The following LPIN1 variants were observed in gnomAD, a reference collection of about 807,000 sequenced individuals.
The protein encoded by LPIN1 is phosphatidate phosphatase LPIN1.
In LPIN1, 71 loss-of-function variants were observed where a neutral mutation model predicts 107.5. That is an observed-to-expected ratio of 0.66 (90% CI 0.55 to 0.80). LPIN1 has a LOEUF of 0.80. LPIN1 is among the 30% of genes least tolerant of loss of function. The pLI, the probability that LPIN1 is intolerant of heterozygous loss-of-function variation, is 0.00. For missense variants in LPIN1, 1,043 were observed against 1,160.6 expected, an observed-to-expected ratio of 0.90 and a Z score of 1.47; for synonymous variants, 445 against 452.6, an observed-to-expected ratio of 0.98 and a Z score of 0.21.
upstream of LPIN1, chr2:11,746,550 CGCT>C: frequency 1.6e-6 from 1 of 614,012 alleles, no homozygotes; most frequent in Non-Finnish European, 2.0e-6. Context: ...CGCACCGCCC[CGCT>C]TGCCCCGCCC....
rs528499945 is a variant in LPIN1, at chr2:11,800,350, T to TG, written c.1887-2554dup. ...AAACAACACAGAAGTGGAGGTGCTGTGGGACACTATCCTCCTTCATGTCTC... is the reference window on the plus strand; with the variant it reads ...AAACAACACAGAAGTGGAGGTGCTGTGGGGACACTATCCTCCTTCATGTCTC... On this transcript the variant is annotated intron_variant, in intron 14 of 20. Coordinates refer to ENST00000674199, the MANE Select transcript of LPIN1 (RefSeq NM_001349206.2). Among the ~76,000 whole-genome samples, 492 of 152,286 alleles carry TG rather than the reference T, an allele frequency of 3.2e-3. 2 individuals carry two copies. Among genetic ancestry groups the TG allele is most frequent in the African/African-American group, 0.011 (471 of 41,566 alleles).
At chr2:11,739,572 C>G (rs540094724) in intron 1 of LPIN1, among the ~76,000 whole-genome samples, 1 of 152,206 alleles carries the variant, frequency 6.6e-6, no homozygotes, top group South Asian at 2.1e-4. Flanking sequence ...CTGGATCTGC[C>G]GTAACAATGT....
intron 1 of LPIN1, among the ~76,000 whole-genome samples, chr2:11,764,807 T>C (rs911809241): frequency 1.7e-4 from 26 of 152,178 alleles, no homozygotes; most frequent in African/African-American, 5.8e-4. Context: ...TCCTCTACAG[T>C]CTTGAGATTT....
intron 1 of LPIN1, among the ~76,000 whole-genome samples, chr2:11,761,248 G>T (rs1477730877): frequency 6.6e-6 from 1 of 152,168 alleles, no homozygotes; most frequent in African/African-American, 2.4e-5. Flanking sequence ...AAGTATTAGG[G>T]TTACAAAGAA....
chr2:11,697,717 T>C lies in LPIN1; in HGVS notation c.82-16039T>C, dbSNP rs371775370. Among the ~76,000 whole-genome samples the C allele has an allele frequency of 8.0e-4, 122 of 152,308 alleles. No individual in the cohort carries two copies. The highest frequency in any genetic ancestry group is 2.7e-3 in the African/African-American group (111 of 41,568). On this transcript the variant is annotated intron_variant, in intron 1 of 21. Coordinates refer to the LPIN1 transcript ENST00000449576. This position sits in a 1 kb window ranked among gnomAD's most constrained non-coding sequence, Gnocchi z 4.6. ...TGAAAACCTGAATCACACTGAGTCA[T>C]CCTGTTGGCCTTGCTGGTGTGTGAG...
chr2:11,712,221 G>T (rs550660208), intron 1 of LPIN1, among the ~76,000 whole-genome samples: 11 of 152,308 alleles, frequency 7.2e-5, no homozygotes, highest in African/African-American at 2.4e-4. Flanking sequence ...ACATATGTGC[G>T]ATGACTTTGT....
intron 1 of LPIN1, among the ~76,000 whole-genome samples, chr2:11,732,340 A>G (rs2148547195): frequency 6.6e-6 from 1 of 152,354 alleles, no homozygotes; most frequent in South Asian, 2.1e-4. Context: ...TCCCACATCC[A>G]AGTTCATGCT....
At chr2:11,796,586 G>C (rs180863240) in intron 14 of LPIN1, among the ~76,000 whole-genome samples, 41 of 152,288 alleles carry the variant, frequency 2.7e-4, no homozygotes, top group Non-Finnish European at 5.0e-4. Context: ...GGATGCTCTT[G>C]AAACCTTTCT....
In LPIN1 at chr2:11,811,539, A is replaced by G. The variant is rs56696900; in HGVS notation, c.2250-3549A>G. Among the ~76,000 whole-genome samples, 32 of 152,360 alleles carry G rather than the reference A, an allele frequency of 2.1e-4. 1 individual carries two copies. Among genetic ancestry groups the G allele is most frequent in the African/African-American group, 7.7e-4 (32 of 41,590 alleles). ...CAGTGGCATGGCCCAACTGTGAAAT[A>G]TATTTGACAATCCAGTTCTGAGTGA... On this transcript the variant is annotated intron_variant, in intron 17 of 20. Coordinates refer to ENST00000674199, the MANE Select transcript of LPIN1 (RefSeq NM_001349206.2).
chr2:11,811,860 C>CT lies in LPIN1; in HGVS notation c.2250-3227dup, dbSNP rs569082089. 1.9e-3 allele frequency among the ~76,000 whole-genome samples: 285 copies of CT among 152,232 alleles called. 1 individual carries two copies. Among genetic ancestry groups the CT allele is most frequent in the African/African-American group, 6.3e-3 (261 of 41,546 alleles). On this transcript the variant is annotated intron_variant, in intron 17 of 20. Transcript: ENST00000674199. The stretch of plus-strand genomic sequence containing the variant: ...ATTAGCTGGGCGTGGTAGTGCATGC[C>CT]TGTAGTCCCAGCTACTCAGGAGGCT...
Position 11,793,533 on chromosome 2 carries a change from C to T in LPIN1, c.1806+1527C>T, listed in dbSNP as rs867124012. ...CTACAGTGCTTGTGTGTTCTAGCTC[C>T]TGCCTGCCTCTTTAATCTCATCTTT... On this transcript the variant is annotated intron_variant, in intron 13 of 20. Transcript: ENST00000674199. Among the ~76,000 whole-genome samples, 13 of 152,226 alleles carry T rather than the reference C, an allele frequency of 8.5e-5. No individual in the cohort carries two copies. The South Asian group carries it at 2.3e-3, about 27-fold the overall frequency.
chr2:11,739,952 G>A (rs1666171672), intron 1 of LPIN1, among the ~76,000 whole-genome samples: 2 of 152,106 alleles, frequency 1.3e-5, no homozygotes, highest in Admixed American at 1.3e-4. Flanking sequence ...TAAATGAGAG[G>A]GGATTTAATT....
At chr2:11,684,514 G>A (rs907016686) in intron 1 of LPIN1, among the ~76,000 whole-genome samples, 7 of 152,214 alleles carry the variant, frequency 4.6e-5, no homozygotes, top group Non-Finnish European at 8.8e-5. Flanking sequence ...GTAACACAGA[G>A]CTGGAGGGTG....
intron 1 of LPIN1, among the ~76,000 whole-genome samples, chr2:11,754,531 A>G (rs1668368305): frequency 6.6e-6 from 1 of 152,186 alleles, no homozygotes. Context: ...ACCTTCTGAG[A>G]GGCTCTGTCA....
chr2:11,753,997 CACTG>C (rs1374455777), intron 1 of LPIN1, among the ~76,000 whole-genome samples: 1 of 152,178 alleles, frequency 6.6e-6, no homozygotes, highest in African/African-American at 2.4e-5. Flanking sequence ...GGTGCTGAGA[CACTG>C]ACTGTAGTGT....
chr2:11,765,250 C>A lies in LPIN1; in HGVS notation c.-9-283C>A, dbSNP rs1294043169. Reference sequence around the variant, plus strand: ...ATGGGCCATGATGGGCCCTGATGGACCCTGATGGACCCTGATGGGCCGTGA... The same window carrying A: ...ATGGGCCATGATGGGCCCTGATGGAACCTGATGGACCCTGATGGGCCGTGA... On this transcript the variant is annotated intron_variant, in intron 1 of 20. Transcript: ENST00000674199. The surrounding 1 kb of genome is among the most constrained non-coding windows in gnomAD (Gnocchi z 4.4). Among the ~76,000 whole-genome samples, 1 of 151,404 alleles carries A rather than the reference C, an allele frequency of 6.6e-6. No homozygotes were observed. Among genetic ancestry groups the A allele is most frequent in the East Asian group, 2.0e-4 (1 of 5,124 alleles).
intron 18 of LPIN1, 83 bp from the exon 19 acceptor site, chr2:11,819,401 C>T (rs1573024155): frequency 4.4e-6 from 4 of 907,712 alleles, no homozygotes; most frequent in East Asian, 2.4e-5. Flanking sequence ...CTCAGTGTTG[C>T]GGCAGCTTTG....
At chr2:11,722,154 G>A (rs976542776), upstream of LPIN1, 2 of 152,208 alleles carry the variant, frequency 1.3e-5, no homozygotes, top group Non-Finnish European at 2.9e-5. Context: ...CTTTCCAATT[G>A]AGGGTGCAGC....
At chr2:11,742,729 C>CCGCT (rs1245058440), upstream of LPIN1, among the ~76,000 whole-genome samples, 2 of 152,220 alleles carry the variant, frequency 1.3e-5, no homozygotes, top group African/African-American at 4.8e-5. Flanking sequence ...TGTCTTAGCC[C>CCGCT]CGCTCATTAT....
Sources: gnomAD v4.1 joint callset for allele counts (sites outside exome capture counted in the v4.1 genomes callset) on GRCh38, gnomAD v4.1.1 for gene constraint, Gnocchi (gnomAD v3.1) non-coding constraint, MANE v1.5 for transcripts, NCBI Gene and HGNC (gene_info 2026-07-23, HGNC 2026-07-21) for gene names.